Variants in TNRC6B observed in about 807,000 individuals in gnomAD.
The protein encoded by TNRC6B is trinucleotide repeat-containing gene 6B protein.
In TNRC6B, 52 loss-of-function variants were observed where a neutral mutation model predicts 203.6. The observed-to-expected ratio is 0.26, with a 90% confidence interval of 0.20 to 0.32. The LOEUF is 0.32. Ranked by LOEUF, TNRC6B falls within the 10% of genes least tolerant of loss-of-function variation. The pLI is 1.00. For missense variants in TNRC6B, 1,923 were observed against 2,286.2 expected (o/e 0.84, Z 3.24); for synonymous variants, 838 against 845.7 (o/e 0.99, Z 0.16).
chr22:40,265,516 G>C lies in TNRC6B; in HGVS notation c.1286G>C (p.Arg429Thr). ...AGTGTTGGATCTTGGGGTGCAGCTA[G>C]GGGGCCTTCTGGAACTGACACAGTC... Reference protein sequence around the residue: ...TGSVGSWGAARGPSGTDTVSG... With the variant: ...TGSVGSWGAATGPSGTDTVSG... The change falls in exon 5 of 23, where the codon AGG becomes ACG. Residue 429 changes from arginine to threonine, a missense_variant. By Grantham distance (71) the Arg-to-Thr change is moderately conservative (BLOSUM62 -1). Around this residue, in one of 8 missense-constraint regions of TNRC6B, gnomAD observed 614 missense variants for 587.7 expected, o/e 1.04. Coordinates refer to ENST00000454349, the MANE Select transcript of TNRC6B (RefSeq NM_001162501.2). The C allele has an allele frequency of 6.2e-7, 1 of 1,613,830 alleles. No individual in the cohort carries two copies. Among genetic ancestry groups the C allele is most frequent in the Non-Finnish European group, 8.5e-7 (1 of 1,179,822 alleles).
intron 3 of TNRC6B, among the ~76,000 whole-genome samples, chr22:40,136,753 G>A (rs1384846386): frequency 6.6e-6 from 1 of 151,860 alleles, no homozygotes; most frequent in African/African-American, 2.4e-5. Flanking sequence ...GTAAGCTCTA[G>A]GGTTTCAAAT....
chr22:40,305,964 C>T (rs377666639), intron 15 of TNRC6B, among the ~76,000 whole-genome samples: 1 of 151,454 alleles, frequency 6.6e-6, no homozygotes. Context: ...TTTCATTTGT[C>T]ACCAAAAAAG....
rs139921 is a variant in TNRC6B at position 40,330,758 on chromosome 22, A to G, written c.*7517A>G. ...ACAGAGACCGTCCGTTCTAGGAAGA[A>G]GCTATCCGTTGGATACAAACAAACA... On this transcript the variant is annotated 3_prime_UTR_variant, in exon 23 of 23. Coordinates refer to ENST00000454349, the MANE Select transcript of TNRC6B (RefSeq NM_001162501.2). 0.63 allele frequency: 96,348 copies of G among 152,512 alleles called. 32,946 individuals carry two copies. The highest frequency in any genetic ancestry group is 0.9 in the African/African-American group (37,502 of 41,524). The allele number at this position is 152,512 out of a possible 1,614,324, so 9.4% of individuals were successfully genotyped here.
chr22:40,057,742 G>A (rs1601789102), intron 1 of TNRC6B, among the ~76,000 whole-genome samples: 1 of 152,166 alleles, frequency 6.6e-6, no homozygotes, highest in South Asian at 2.1e-4. Flanking sequence ...CTGGGTACAA[G>A]ATTCTGATGT....
chr22:40,101,580 C>G (rs1004519519), intron 1 of TNRC6B, among the ~76,000 whole-genome samples: 2 of 152,044 alleles, frequency 1.3e-5, no homozygotes, highest in Admixed American at 6.6e-5. Context: ...CCTTTATAGC[C>G]TCCTGACTCA....
chr22:40,195,095 G>C (rs1403169178), intron 1 of TNRC6B, among the ~76,000 whole-genome samples: 1 of 152,192 alleles, frequency 6.6e-6, no homozygotes, highest in Non-Finnish European at 1.5e-5. Context: ...ATTATTTGCA[G>C]AGACAACAAT....
At chr22:40,081,952 A>T (rs2068067016) in intron 1 of TNRC6B, among the ~76,000 whole-genome samples, 1 of 151,928 alleles carries the variant, frequency 6.6e-6, no homozygotes, top group African/African-American at 2.4e-5. Context: ...AGTCATCTTT[A>T]ACTTTGCTTC....
At chr22:40,189,165 C>T (rs1277270132) in intron 1 of TNRC6B, among the ~76,000 whole-genome samples, 1 of 152,104 alleles carries the variant, frequency 6.6e-6, no homozygotes, top group Non-Finnish European at 1.5e-5. Flanking sequence ...TCTTCCCCGT[C>T]CAGGGTATCT....
chr22:40,307,462 CCT>C (rs1163769927), intron 15 of TNRC6B, among the ~76,000 whole-genome samples: 1 of 152,138 alleles, frequency 6.6e-6, no homozygotes, highest in Non-Finnish European at 1.5e-5. Flanking sequence ...CTCCCCCTCC[CCT>C]GTTTCATCAT....
At chr22:40,251,120 A>G in intron 2 of TNRC6B, 59 bp from the exon 3 acceptor site, 1 of 1,432,500 alleles carries the variant, frequency 7.0e-7, no homozygotes, top group Non-Finnish European at 9.4e-7. Flanking sequence ...AAGTAGTCTG[A>G]AAATACAGTA....
intron 1 of TNRC6B, among the ~76,000 whole-genome samples, chr22:40,186,937 A>C (rs2069211945): frequency 6.6e-6 from 1 of 152,178 alleles, no homozygotes; most frequent in South Asian, 2.1e-4. Context: ...TTCAAACATA[A>C]AATTTTCATT....
chr22:40,145,422 T>A (rs1393745175), intron 3 of TNRC6B, among the ~76,000 whole-genome samples: 4 of 152,220 alleles, frequency 2.6e-5, no homozygotes, highest in Non-Finnish European at 2.9e-5. Context: ...CTATATCAGC[T>A]GACTTCTCAG....
intron 1 of TNRC6B, among the ~76,000 whole-genome samples, chr22:40,211,262 T>C (rs1337855351): frequency 1.3e-5 from 2 of 152,144 alleles, no homozygotes; most frequent in East Asian, 3.9e-4. Context: ...TTATTTTTTG[T>C]AGAAAGGAGG....
intron 3 of TNRC6B, chr22:40,156,066 C>T (rs775399644): frequency 3.3e-6 from 5 of 1,526,828 alleles, no homozygotes; most frequent in Admixed American, 2.0e-5. Flanking sequence ...TGGAGTGAGT[C>T]GCATTGTAGT....
intron 6 of TNRC6B, among the ~76,000 whole-genome samples, chr22:40,271,929 A>G (rs932646373): frequency 3.9e-5 from 6 of 152,192 alleles, no homozygotes; most frequent in African/African-American, 1.2e-4. Flanking sequence ...TATGAATCCT[A>G]TGATTAAAAA....
At chr22:40,089,826 T>C (rs1046680999) in intron 1 of TNRC6B, among the ~76,000 whole-genome samples, 1 of 152,176 alleles carries the variant, frequency 6.6e-6, no homozygotes, top group Admixed American at 6.5e-5. Flanking sequence ...GTGCTCTCAA[T>C]CTTCTCTGCT....
chr22:40,126,796 G>T (rs375346235), intron 3 of TNRC6B, among the ~76,000 whole-genome samples: 1 of 150,598 alleles, frequency 6.6e-6, no homozygotes, highest in Non-Finnish European at 1.5e-5. Flanking sequence ...TCACTTTGTT[G>T]TCCAGGCTGG....
chr22:40,162,456 C>T (rs1323545518), intron 4 of TNRC6B, among the ~76,000 whole-genome samples: 2 of 152,140 alleles, frequency 1.3e-5, no homozygotes, highest in Admixed American at 1.3e-4. Context: ...TTCTGGGAAC[C>T]ATTCTTTTGG....
At chr22:40,064,736 C>A (rs1192963198) in intron 1 of TNRC6B, among the ~76,000 whole-genome samples, 1 of 151,942 alleles carries the variant, frequency 6.6e-6, no homozygotes, top group African/African-American at 2.4e-5. Flanking sequence ...CCTGCCTCAG[C>A]CTCCCGAGTA....
Sources: gnomAD v4.1 joint callset for allele counts (sites outside exome capture counted in the v4.1 genomes callset) on GRCh38, gnomAD v4.1.1 for gene constraint, gnomAD v4.1.1 regional missense constraint, MANE v1.5 for transcripts, NCBI Gene and HGNC (gene_info 2026-07-23, HGNC 2026-07-21) for gene names.